Variants in CFAP43 observed in about 807,000 individuals in gnomAD.
CFAP43 encodes the protein cilia- and flagella-associated protein 43.
In CFAP43, 155 loss-of-function variants were observed where a neutral mutation model predicts 218.9. The observed-to-expected ratio is 0.71, with a 90% CI of 0.62 to 0.81. The LOEUF is 0.81. Ranked by LOEUF, CFAP43 falls within the 30% of genes least tolerant of loss-of-function variation. The pLI is 0.00. For synonymous variants in CFAP43, 645 were observed against 681.3 expected (o/e 0.95, Z 0.83); for missense variants, 1,778 against 1,954.3 (o/e 0.91, Z 1.70).
At chr10:104,177,134 T>C (rs1284621295) in intron 19 of CFAP43, among the ~76,000 whole-genome samples, 1 of 152,078 alleles carries the variant, frequency 6.6e-6, no homozygotes, top group Non-Finnish European at 1.5e-5. Flanking sequence ...AGGTTTCCTA[T>C]TAAAATGCCC....
intron 8 of CFAP43, among the ~76,000 whole-genome samples, chr10:104,201,619 C>G (rs79228804): frequency 4.6e-5 from 7 of 152,114 alleles, no homozygotes; most frequent in East Asian, 3.9e-4. Flanking sequence ...TCTGCCCCCC[C>G]CAACTTATAT....
chr10:104,206,372 T>C (rs2090689467), intron 6 of CFAP43, among the ~76,000 whole-genome samples: 1 of 152,094 alleles, frequency 6.6e-6, no homozygotes, highest in Non-Finnish European at 1.5e-5. Flanking sequence ...AGCTGGGCAT[T>C]GGCAGATTCA....
At chr10:104,207,218 T>C (rs1780017490) in intron 6 of CFAP43, among the ~76,000 whole-genome samples, 2 of 151,662 alleles carry the variant, frequency 1.3e-5, no homozygotes, top group African/African-American at 4.8e-5. Context: ...AATAGAAAGG[T>C]AATTTTCAAG....
intron 32 of CFAP43, 100 bp downstream of exon 32, chr10:104,143,326 G>A: frequency 9.8e-7 from 1 of 1,019,734 alleles, no homozygotes; most frequent in Non-Finnish European, 1.4e-6. Flanking sequence ...CCCTAGCAGG[G>A]AAACCTAAAT....
At chr10:104,190,214 C>T (rs535521419) in intron 12 of CFAP43, among the ~76,000 whole-genome samples, 1 of 151,114 alleles carries the variant, frequency 6.6e-6, no homozygotes, top group Admixed American at 6.6e-5. Context: ...AACCTGTAGT[C>T]CCAGCTACTC....
chr10:104,166,724 T>C lies in CFAP43; in HGVS notation c.2809-6A>G. On this transcript the variant is annotated splice_polypyrimidine_tract_variant and splice_region_variant and intron_variant, in intron 22 of 37. Coordinates refer to ENST00000357060, the MANE Select transcript of CFAP43 (RefSeq NM_025145.7). ...TCTACAATTTCCTTCCGTAGCTACA[T>C]GTAGAAAAAGATGACACAGAAGTTA... 1 of 1,592,252 alleles carries C rather than the reference T, an allele frequency of 6.3e-7. No homozygotes were observed. The highest frequency in any genetic ancestry group is 2.2e-5 in the East Asian group (1 of 44,522).
chr10:104,231,925 G>A (rs17116715), intron 1 of CFAP43, among the ~76,000 whole-genome samples: 4,214 of 152,014 alleles, frequency 0.028, 214 homozygotes, highest in African/African-American at 0.098. Context: ...TGCTGGGTAA[G>A]AGACGGAGGG....
chr10:104,226,227 C>A (rs904997433), intron 2 of CFAP43, among the ~76,000 whole-genome samples: 2 of 152,186 alleles, frequency 1.3e-5, no homozygotes, highest in African/African-American at 4.8e-5. Flanking sequence ...GCAAGCTTTG[C>A]CCTCATCTCA....
At chr10:104,182,635 T>C (rs2089890569) in intron 16 of CFAP43, 122 bp from the exon 17 acceptor site, 1 of 955,648 alleles carries the variant, frequency 1.0e-6, no homozygotes, top group Admixed American at 3.9e-5. Context: ...CAAGGAAATA[T>C]GTGGACAATT....
At chr10:104,169,114 G>A (rs1589691888) in intron 20 of CFAP43, among the ~76,000 whole-genome samples, 1 of 152,106 alleles carries the variant, frequency 6.6e-6, no homozygotes, top group East Asian at 1.9e-4. Context: ...GGATGGTCGG[G>A]TTGCATACAC....
At chr10:104,132,268 T>C in intron 35 of CFAP43, 72 bp from the exon 36 acceptor site, 1 of 1,152,642 alleles carries the variant, frequency 8.7e-7, no homozygotes, top group Non-Finnish European at 1.2e-6. Context: ...AAGGTTGTTT[T>C]AGCTTTGAAA....
At chr10:104,206,383 G>GAGACAGTA (rs1187750432) in intron 6 of CFAP43, among the ~76,000 whole-genome samples, 1 of 152,196 alleles carries the variant, frequency 6.6e-6, no homozygotes, top group Non-Finnish European at 1.5e-5. Context: ...GGCAGATTCA[G>GAGACAGTA]AGACAGTAAG....
In CFAP43 at chr10:104,218,945, G is replaced by A. The variant is rs547958850; in HGVS notation, c.417-4519C>T. 135 of 433,392 alleles carry A rather than the reference G, an allele frequency of 3.1e-4. 1 individual carries two copies. Among genetic ancestry groups the A allele is most frequent in the South Asian group, 2.1e-3 (124 of 58,534 alleles). 26.8% of individuals were successfully genotyped at this position (433,392 alleles called of 1,614,324 possible). A position where few individuals can be genotyped will look rare whatever the true frequency, so the allele number is the denominator to read the frequency against. ...GCCACCACACCAACCACAGCTGCTC[G>A]TGCCCAGACAACTGCATGTGACAGA... On this transcript the variant is annotated intron_variant, in intron 3 of 37. Coordinates refer to ENST00000357060, the MANE Select transcript of CFAP43 (RefSeq NM_025145.7).
At chr10:104,182,276 A>G in intron 17 of CFAP43, 90 bp downstream of exon 17, 1 of 1,347,768 alleles carries the variant, frequency 7.4e-7, no homozygotes, top group Admixed American at 2.7e-5. Context: ...ATATTACTAA[A>G]TATCTGCTTA....
intron 28 of CFAP43, among the ~76,000 whole-genome samples, chr10:104,149,779 A>G (rs2088158326): frequency 6.6e-6 from 1 of 152,206 alleles, no homozygotes; most frequent in African/African-American, 2.4e-5. Context: ...TTGAGATATA[A>G]TTCACATACC....
Position 104,203,834 on chromosome 10 carries a change from C to A in CFAP43, c.964-31G>T, listed in dbSNP as rs2090603964. The A allele has an allele frequency of 2.6e-6, 4 of 1,564,848 alleles. No homozygotes were observed. The Admixed American group carries it at 5.5e-5, about 22-fold the overall frequency. On this transcript the variant is annotated intron_variant, in intron 7 of 37. Coordinates refer to ENST00000357060, the MANE Select transcript of CFAP43 (RefSeq NM_025145.7). ...GATGAGTGAGATAAACATAGAAAAT[C>A]AGTCTTAGTCAATGCATAGTATACT... is the stretch of plus-strand genomic sequence containing the variant.
Position 104,162,890 on chromosome 10 carries a change from G to A in CFAP43, c.3247-487C>T, listed in dbSNP as rs116526327. ...AGTGAGCAGCCACTGCAAGGGGTGA[G>A]GCAGAGAAGGGACATAGTAAGTTTG... On this transcript the variant is annotated intron_variant, in intron 24 of 37. Transcript: ENST00000357060. 5.4e-3 allele frequency among the ~76,000 whole-genome samples: 827 copies of A among 152,200 alleles called. 6 individuals carry two copies. The highest frequency in any genetic ancestry group is 0.019 in the African/African-American group (798 of 41,526).
At position 104,130,050 on chromosome 10, in the gene CFAP43, C is replaced by T; in HGVS notation, c.*89G>A. The T allele has an allele frequency of 7.0e-7, 1 of 1,422,276 alleles. No homozygotes were observed. Among genetic ancestry groups the T allele is most frequent in the Non-Finnish European group, 9.3e-7 (1 of 1,075,558 alleles). 88.1% of individuals were successfully genotyped at this position (1,422,276 alleles called of 1,614,324 possible). Reference sequence around the variant, plus strand: ...CTCAGAGGACATGCTACTTCAATTTCCCAGTAAGAAAGAAAAGGAAATCAT... The same window carrying T: ...CTCAGAGGACATGCTACTTCAATTTTCCAGTAAGAAAGAAAAGGAAATCAT... On this transcript the variant is annotated 3_prime_UTR_variant, in exon 38 of 38. Coordinates refer to ENST00000357060, the MANE Select transcript of CFAP43 (RefSeq NM_025145.7).
chr10:104,164,094 C>G lies in CFAP43; in HGVS notation c.3246G>C (p.Glu1082Asp), dbSNP rs1349200259. Residue 1082 changes from glutamate (E) to aspartate (D), a missense_variant and splice_region_variant, in exon 24 of 38, where the codon GAG becomes GAC. By Grantham distance (45) the Glu-to-Asp change is conservative. Transcript: ENST00000357060. Reference protein sequence around the residue: ...PERTLVVQDEEITAHKHIKPW... With the variant: ...PERTLVVQDEDITAHKHIKPW... ...AAAGGAGAACACAGCTAGCCAGTAC[C>G]TCCTCATCTTGCACAACAAGCGTTC... is the stretch of plus-strand genomic sequence containing the variant. The G allele has an allele frequency of 1.2e-6, 2 of 1,613,712 alleles. No individual in the cohort carries two copies. Among genetic ancestry groups the G allele is most frequent in the Non-Finnish European group, 1.7e-6 (2 of 1,179,994 alleles).
Sources: gnomAD v4.1 joint callset for allele counts (sites outside exome capture counted in the v4.1 genomes callset) on GRCh38, gnomAD v4.1.1 for gene constraint, MANE v1.5 for transcripts, NCBI Gene and HGNC (gene_info 2026-07-23, HGNC 2026-07-21) for gene names.